LRP2: variants seen among roughly 807,000 people sequenced by gnomAD.
LRP2 encodes the protein LDL receptor related protein 2, also known as low-density lipoprotein receptor-related protein 2.
LRP2 carries 172 observed loss-of-function variants against 531.0 expected under a neutral mutation model. The observed-to-expected ratio is 0.32, with a 90% CI of 0.29 to 0.37. The LOEUF is 0.37. LRP2 is among the 10% of genes least tolerant of loss of function. The pLI is 1.00. For missense variants in LRP2, 5,167 were observed against 5,868.3 expected (o/e 0.88, Z 3.90); for synonymous variants, 1,992 against 2,027.6 (o/e 0.98, Z 0.47).
At chr2:169,291,367 T>C (rs1359470367) in intron 7 of LRP2, among the ~76,000 whole-genome samples, 1 of 152,248 alleles carries the variant, frequency 6.6e-6, no homozygotes, top group Non-Finnish European at 1.5e-5. Context: ...TTACTTGAAT[T>C]TGTGGTTGGG....
intron 3 of LRP2, among the ~76,000 whole-genome samples, chr2:169,312,049 T>G (rs1306129660): frequency 2.0e-5 from 3 of 152,220 alleles, no homozygotes; most frequent in African/African-American, 7.2e-5. Flanking sequence ...GTTTTCCATT[T>G]GCTTGGTAGA....
chr2:169,207,708 T>C (rs771387424), intron 38 of LRP2, among the ~76,000 whole-genome samples: 2 of 152,234 alleles, frequency 1.3e-5, no homozygotes, highest in Non-Finnish European at 2.9e-5. Flanking sequence ...AAATGGTCTT[T>C]GAACTTAAGG....
intron 16 of LRP2, among the ~76,000 whole-genome samples, chr2:169,264,451 C>T (rs561024942): frequency 1.8e-4 from 28 of 152,084 alleles, no homozygotes; most frequent in African/African-American, 6.0e-4. Context: ...GACTGCAGTG[C>T]TCCAAGCTCA....
chr2:169,359,187 T>A (rs1008500359), intron 1 of LRP2, among the ~76,000 whole-genome samples: 2 of 152,172 alleles, frequency 1.3e-5, no homozygotes, highest in African/African-American at 2.4e-5. Flanking sequence ...CAAGATGTCA[T>A]TGGGTAAATT....
chr2:169,361,488 G>T (rs1686162365), intron 1 of LRP2, among the ~76,000 whole-genome samples: 1 of 146,242 alleles, frequency 6.8e-6, no homozygotes, highest in Admixed American at 7.0e-5. Context: ...CTTCTCTTAC[G>T]CTCTCTCCTC....
chr2:169,133,283 C>T (rs1379162230), intron 76 of LRP2, among the ~76,000 whole-genome samples: 5 of 152,160 alleles, frequency 3.3e-5, no homozygotes, highest in African/African-American at 9.7e-5. Context: ...ACCAAATTAC[C>T]ATGAATGCAT....
intron 4 of LRP2, among the ~76,000 whole-genome samples, chr2:169,304,498 A>G (rs997281310): frequency 6.6e-6 from 1 of 152,234 alleles, no homozygotes; most frequent in Non-Finnish European, 1.5e-5. Flanking sequence ...ATAAAATGCT[A>G]CAAAATATAA....
At chr2:169,163,862 A>C (rs1365548947) in intron 62 of LRP2, among the ~76,000 whole-genome samples, 3 of 152,284 alleles carry the variant, frequency 2.0e-5, no homozygotes, top group African/African-American at 7.2e-5. Context: ...AAAACTCTCA[A>C]AGGGTAGAGT....
At chr2:169,257,042 A>T (rs1690330919) in intron 18 of LRP2, 82 bp downstream of exon 18, 1 of 1,538,982 alleles carries the variant, frequency 6.5e-7, no homozygotes, top group African/African-American at 1.4e-5. Flanking sequence ...GTTTCCTTAC[A>T]CCATCATATC....
chr2:169,356,086 C>T (rs1321994821), intron 1 of LRP2, among the ~76,000 whole-genome samples: 1 of 152,000 alleles, frequency 6.6e-6, no homozygotes, highest in Admixed American at 6.5e-5. Flanking sequence ...GAGATGGAGT[C>T]TCACTATGTT....
chr2:169,173,905 C>G lies in LRP2; in HGVS notation c.11014+14G>C, dbSNP rs757389515. 12 of 1,613,886 alleles carry G rather than the reference C, an allele frequency of 7.4e-6. No homozygotes were observed. In the East Asian group the frequency reaches 1.8e-4, roughly 24 times the overall value. On this transcript the variant is annotated intron_variant, in intron 56 of 78. Coordinates refer to ENST00000649046, the MANE Select transcript of LRP2 (RefSeq NM_004525.3). Reference sequence around the variant, plus strand: ...CTGCTCTGGTCATGCCTTGGTCCTCCCACAGGAACTTACTGCATTCTTCAA... The same window carrying G: ...CTGCTCTGGTCATGCCTTGGTCCTCGCACAGGAACTTACTGCATTCTTCAA...
In LRP2 at chr2:169,318,839, C is replaced by G. The variant is rs546882372; in HGVS notation, c.233G>C (p.Gly78Ala). 9.9e-6 allele frequency: 16 copies of G among 1,614,138 alleles called. 1 individual carries two copies. In the East Asian group the frequency reaches 1.1e-4, roughly 11 times the overall value. ...QQGYFKCQSE[G>A]QCIPNSWVCD... ...CACCCAGGAGTTGGGGATGCATTGT[C>G]CCTCACTCTGGCACTTGAAATAGCC... Residue 78 changes from glycine (G) to alanine (A), a missense_variant, in exon 3 of 79, where the codon GGA (glycine) becomes GCA (alanine). By Grantham distance (60) the Gly-to-Ala change is moderately conservative (BLOSUM62 0). Coordinates refer to ENST00000649046, the MANE Select transcript of LRP2 (RefSeq NM_004525.3).
chr2:169,212,814 G>T (rs1277647801), intron 36 of LRP2, among the ~76,000 whole-genome samples: 2 of 151,890 alleles, frequency 1.3e-5, no homozygotes, highest in African/African-American at 4.8e-5. Flanking sequence ...CAAATAGGGT[G>T]CAGTGTATAT....
chr2:169,220,651 A>G (rs1273287542), intron 33 of LRP2, 88 bp from the exon 34 acceptor site: 16 of 829,192 alleles, frequency 1.9e-5, no homozygotes, highest in Non-Finnish European at 3.3e-5. Flanking sequence ...TACAAAACAA[A>G]TTCCAAAGCA....
intron 26 of LRP2, 70 bp downstream of exon 26, chr2:169,239,457 C>G: frequency 1.9e-6 from 3 of 1,612,724 alleles, no homozygotes; most frequent in Non-Finnish European, 2.5e-6. Context: ...TGTCAAATAC[C>G]TACATGTGCC....
chr2:169,156,314 C>A lies in LRP2; in HGVS notation c.12111G>T (p.Thr4037=), dbSNP rs745582154. Reference sequence around the variant, plus strand: ...GTTTTCCAGGGCGGTCACTCATAGACGTGAAGCCATCAGCACAGACACACT... The same window carrying A: ...GTTTTCCAGGGCGGTCACTCATAGAAGTGAAGCCATCAGCACAGACACACT... ...SYECVCADGF[T]SMSDRPGKRC... is the part of the protein sequence containing the mutation. The change falls in exon 65 of 79, where the codon ACG becomes ACT. Residue 4037 remains threonine, a synonymous_variant. Coordinates refer to ENST00000649046, the MANE Select transcript of LRP2 (RefSeq NM_004525.3). 5 of 1,613,736 alleles carry A rather than the reference C, an allele frequency of 3.1e-6. No homozygotes were observed. In the South Asian group the frequency reaches 4.4e-5, roughly 14 times the overall value.
At position 169,275,252 on chromosome 2, in the gene LRP2, C is replaced by G; in HGVS notation, c.1773-14G>C. The G allele has an allele frequency of 2.5e-6, 4 of 1,592,318 alleles. No homozygotes were observed. Among genetic ancestry groups the G allele is most frequent in the Non-Finnish European group, 3.4e-6 (4 of 1,160,686 alleles). On this transcript the variant is annotated splice_polypyrimidine_tract_variant and intron_variant, in intron 13 of 78. Transcript: ENST00000649046. ...ACTACAGTCTTCCTGTTATAAAAGA[C>G]ACATATATATCATACAATTTGTTAG...
At chr2:169,360,422 A>G (rs1485193273) in intron 1 of LRP2, among the ~76,000 whole-genome samples, 2 of 142,606 alleles carry the variant, frequency 1.4e-5, no homozygotes, top group African/African-American at 4.9e-5. Context: ...TACTATACAC[A>G]TTATTATTAT....
intron 3 of LRP2, among the ~76,000 whole-genome samples, chr2:169,312,748 C>G (rs1684649142): frequency 6.6e-6 from 1 of 152,156 alleles, no homozygotes. Context: ...GAGTGTTGGC[C>G]TGCCTTGCTA....
Sources: allele counts gnomAD v4.1 joint callset (sites outside exome capture counted in the v4.1 genomes callset), GRCh38; gene constraint gnomAD v4.1.1; transcripts MANE v1.5; gene names NCBI Gene and HGNC (gene_info 2026-07-23, HGNC 2026-07-21).